FSTL4: variants seen among roughly 807,000 people sequenced by gnomAD.
The protein encoded by FSTL4 is follistatin-related protein 4.
In FSTL4, 28 loss-of-function variants were observed where a neutral mutation model predicts 78.2. The observed-to-expected ratio is 0.36, with a 90% CI of 0.27 to 0.49. The LOEUF (loss-of-function observed/expected upper bound fraction) is 0.49, where lower values mean the gene tolerates loss of function less well. Ranked by LOEUF, FSTL4 falls within the 20% of genes least tolerant of loss-of-function variation. FSTL4 has a pLI of 0.98. For missense variants in FSTL4, 922 were observed against 1,084.9 expected, an observed-to-expected ratio of 0.85 and a Z score of 2.11; for synonymous variants, 422 against 440.5, an observed-to-expected ratio of 0.96 and a Z score of 0.53.
intron 4 of FSTL4, among the ~76,000 whole-genome samples, chr5:133,365,889 C>A (rs992390878): frequency 6.6e-6 from 1 of 152,208 alleles, no homozygotes; most frequent in South Asian, 2.1e-4. Context: ...CCTCCTGCAG[C>A]CTGCAAGCCT....
the FSTL4 span, among the ~76,000 whole-genome samples, chr5:133,786,800 T>C: frequency 6.6e-6 from 1 of 152,186 alleles, no homozygotes; most frequent in African/African-American, 2.4e-5. Context: ...ATAGTAACAG[T>C]GGTGACTGCT....
chr5:133,652,625 A>G, the FSTL4 span, among the ~76,000 whole-genome samples: 8 of 152,308 alleles, frequency 5.3e-5, no homozygotes, highest in South Asian at 1.0e-3. Flanking sequence ...GAGAGCAGAC[A>G]TTGTATGATT....
chr5:133,579,267 T>C (rs1760351430), intron 2 of FSTL4, among the ~76,000 whole-genome samples: 1 of 152,188 alleles, frequency 6.6e-6, no homozygotes, highest in African/African-American at 2.4e-5. Flanking sequence ...TGAAATCAGA[T>C]TATCCCAAGA....
Position 133,407,509 on chromosome 5 carries a change from C to T in FSTL4, c.161-6523G>A, listed in dbSNP as rs554888524. The stretch of plus-strand genomic sequence containing the variant: ...CCAATCCCAAAGCTCAACAGAAACA[C>T]ATGGTTATCCATTGCTGGAAGGTAA... On this transcript the variant is annotated intron_variant, in intron 3 of 15. Transcript: ENST00000265342. Among the ~76,000 whole-genome samples, 2 of 152,330 alleles carry T rather than the reference C, an allele frequency of 1.3e-5. 1 individual carries two copies. Among genetic ancestry groups the T allele is most frequent in the East Asian group, 3.9e-4 (2 of 5,186 alleles).
the FSTL4 span, among the ~76,000 whole-genome samples, chr5:133,654,093 G>T: frequency 6.6e-6 from 1 of 152,278 alleles, no homozygotes; most frequent in East Asian, 1.9e-4. Context: ...AATTAATCTA[G>T]AGGCTTATTT....
intron 3 of FSTL4, among the ~76,000 whole-genome samples, chr5:133,566,257 A>G (rs1242856604): frequency 6.6e-6 from 1 of 152,212 alleles, no homozygotes; most frequent in Admixed American, 6.5e-5. Flanking sequence ...ATGAATATCC[A>G]TGTATCAAAG....
chr5:133,233,804 C>T (rs1417021243), intron 7 of FSTL4, among the ~76,000 whole-genome samples: 2 of 152,124 alleles, frequency 1.3e-5, no homozygotes, highest in Non-Finnish European at 2.9e-5. Flanking sequence ...TTGAACACAT[C>T]CCCCAGCACA....
intron 3 of FSTL4, among the ~76,000 whole-genome samples, chr5:133,465,126 G>A (rs1757678036): frequency 1.3e-5 from 2 of 152,176 alleles, no homozygotes; most frequent in Non-Finnish European, 2.9e-5. Context: ...TTTGCACATA[G>A]GGCAGTCCGG....
chr5:133,680,845 C>T, the FSTL4 span, among the ~76,000 whole-genome samples: 15 of 152,232 alleles, frequency 9.9e-5, no homozygotes, highest in Admixed American at 6.5e-5. Context: ...AATGACTTCA[C>T]GTGTGTTCAT....
the FSTL4 span, among the ~76,000 whole-genome samples, chr5:133,781,941 G>C: frequency 6.6e-6 from 1 of 152,164 alleles, no homozygotes; most frequent in African/African-American, 2.4e-5. Context: ...TAAGGAGACA[G>C]CATTTTTCTT....
chr5:133,758,106 G>A, the FSTL4 span, among the ~76,000 whole-genome samples: 3 of 152,228 alleles, frequency 2.0e-5, no homozygotes, highest in South Asian at 2.1e-4. Flanking sequence ...CTTATGGGAC[G>A]TACTTACCAT....
chr5:133,334,255 G>T (rs530816263), intron 4 of FSTL4, among the ~76,000 whole-genome samples: 1 of 152,322 alleles, frequency 6.6e-6, no homozygotes, highest in South Asian at 2.1e-4. Context: ...CAGTTGGCGA[G>T]GGTCCTGCCA....
chr5:133,370,561 G>A (rs1755271951), intron 4 of FSTL4, among the ~76,000 whole-genome samples: 1 of 152,116 alleles, frequency 6.6e-6, no homozygotes, highest in South Asian at 2.1e-4. Flanking sequence ...GGTCCTGTGT[G>A]GTCTGGCTTC....
At chr5:133,618,074 A>G in the FSTL4 span, among the ~76,000 whole-genome samples, 1 of 152,196 alleles carries the variant, frequency 6.6e-6, no homozygotes, top group African/African-American at 2.4e-5. Context: ...GAAATCATGG[A>G]TAGTACTGCA....
intron 6 of FSTL4, among the ~76,000 whole-genome samples, chr5:133,277,812 G>T (rs1447582903): frequency 2.0e-5 from 3 of 152,176 alleles, no homozygotes; most frequent in Non-Finnish European, 4.4e-5. Context: ...CTTCTGAACT[G>T]TTTTTGGGGG....
chr5:133,285,053 C>T (rs1463321774), intron 6 of FSTL4, among the ~76,000 whole-genome samples: 1 of 152,190 alleles, frequency 6.6e-6, no homozygotes, highest in South Asian at 2.1e-4. Context: ...GCTATGGAAG[C>T]CCCACTGGGC....
chr5:133,427,447 C>G (rs1195466763), intron 3 of FSTL4: 2 of 344,834 alleles, frequency 5.8e-6, no homozygotes, highest in African/African-American at 4.1e-5. Flanking sequence ...CTGCCTTCTC[C>G]AGACCTCCCA....
At chr5:133,525,304 A>G (rs1296013582) in intron 3 of FSTL4, among the ~76,000 whole-genome samples, 1 of 152,234 alleles carries the variant, frequency 6.6e-6, no homozygotes, top group Non-Finnish European at 1.5e-5. Context: ...GCACTGCCCA[A>G]GTCCATGTCT....
At chr5:133,676,109 GCGT>G in the FSTL4 span, among the ~76,000 whole-genome samples, 1 of 152,218 alleles carries the variant, frequency 6.6e-6, no homozygotes, top group African/African-American at 2.4e-5. Flanking sequence ...GATTTAAGAG[GCGT>G]CGTTAGAGAC....
Sources: allele counts gnomAD v4.1 joint callset (sites outside exome capture counted in the v4.1 genomes callset), GRCh38; gene constraint gnomAD v4.1.1; transcripts MANE v1.5; gene names NCBI Gene and HGNC (gene_info 2026-07-23, HGNC 2026-07-21).